RALGAPA1: variants seen among roughly 807,000 people sequenced by gnomAD.
RALGAPA1 encodes the protein ral GTPase-activating protein subunit alpha-1.
A neutral mutation model predicts 269.6 loss-of-function variants in RALGAPA1; 52 were observed. That is an observed-to-expected ratio of 0.19 (90% CI 0.15 to 0.24). The LOEUF (loss-of-function observed/expected upper bound fraction) is 0.24, where lower values mean the gene tolerates loss of function less well. Among genes scored for constraint, RALGAPA1 ranks in the 10% least tolerant of loss-of-function variants. The pLI is 1.00. For missense variants in RALGAPA1, 1,917 were observed against 3,013.9 expected (o/e 0.64, Z 8.52); for synonymous variants, 817 against 1,008.3 (o/e 0.81, Z 3.60).
intron 31 of RALGAPA1, among the ~76,000 whole-genome samples, chr14:35,644,316 C>T (rs986509191): frequency 2.0e-5 from 3 of 152,068 alleles, no homozygotes; most frequent in Admixed American, 1.3e-4. Context: ...GAATAAAAGA[C>T]GATATACATG....
chr14:35,655,104 T>C (rs1372831841), intron 29 of RALGAPA1, among the ~76,000 whole-genome samples: 1 of 152,208 alleles, frequency 6.6e-6, no homozygotes, highest in Admixed American at 6.5e-5. Flanking sequence ...TCAGCTATTA[T>C]TAATATCTTG....
chr14:35,732,854 CA>C (rs1017567538), intron 12 of RALGAPA1, among the ~76,000 whole-genome samples: 5 of 152,138 alleles, frequency 3.3e-5, no homozygotes, highest in African/African-American at 1.2e-4. Flanking sequence ...GACAGAAAGA[CA>C]ACAAAGAAAC....
At chr14:35,682,720 A>G (rs1180755207) in intron 21 of RALGAPA1, among the ~76,000 whole-genome samples, 1 of 152,180 alleles carries the variant, frequency 6.6e-6, no homozygotes, top group Non-Finnish European at 1.5e-5. Flanking sequence ...ACATTTAAAA[A>G]CAACTAAAGT....
rs528372409 is a variant in RALGAPA1 at position 35,640,090 on chromosome 14, C to T, written c.5677-4492G>A. On this transcript the variant is annotated intron_variant, in intron 31 of 41. Transcript: ENST00000680220. ...CCTATAGGATACAGTGAAAGCAGTA[C>T]TAAGAGGGAAGTTTATAGCTATAAG... Among the ~76,000 whole-genome samples the T allele has an allele frequency of 5.3e-5, 8 of 151,896 alleles. No homozygotes were observed. The South Asian group carries it at 1.5e-3, about 28-fold the overall frequency.
chr14:35,695,603 C>T (rs1481124314), intron 17 of RALGAPA1, among the ~76,000 whole-genome samples: 1 of 152,086 alleles, frequency 6.6e-6, no homozygotes, highest in Non-Finnish European at 1.5e-5. Flanking sequence ...GTTTTGGGAA[C>T]TGGTTGAAAG....
At chr14:35,771,468 G>A (rs932801499) in intron 3 of RALGAPA1, among the ~76,000 whole-genome samples, 1 of 152,026 alleles carries the variant, frequency 6.6e-6, no homozygotes, top group Non-Finnish European at 1.5e-5. Context: ...TGATAGTATT[G>A]ACATTATTTT....
In RALGAPA1 at chr14:35,760,810, A is replaced by G. The variant is rs2073634181; in HGVS notation, c.547+19T>C. The G allele has an allele frequency of 1.3e-6, 2 of 1,595,790 alleles. No individual in the cohort carries two copies. Among genetic ancestry groups the G allele is most frequent in the Non-Finnish European group, 1.7e-6 (2 of 1,166,344 alleles). On this transcript the variant is annotated intron_variant, in intron 6 of 41. Coordinates refer to ENST00000680220, the MANE Select transcript of RALGAPA1 (RefSeq NM_001346249.2). ...AGAGAGCTTAAACCTACTGACGGAT[A>G]ACATCCCATGAATCTTACTTTCTTG...
intron 16 of RALGAPA1, among the ~76,000 whole-genome samples, chr14:35,711,023 C>T (rs1036069808): frequency 2.6e-5 from 4 of 152,310 alleles, no homozygotes; most frequent in Admixed American, 2.6e-4. Flanking sequence ...TTAAATGACA[C>T]GACTGCATAA....
At chr14:35,782,941 C>A (rs774450350) in intron 1 of RALGAPA1, among the ~76,000 whole-genome samples, 2 of 151,982 alleles carry the variant, frequency 1.3e-5, no homozygotes, top group African/African-American at 2.4e-5. Flanking sequence ...CCCACCTCAG[C>A]CTCCTGAGTC....
intron 16 of RALGAPA1, among the ~76,000 whole-genome samples, chr14:35,719,497 T>A (rs1293445588): frequency 6.6e-6 from 1 of 152,174 alleles, no homozygotes; most frequent in Non-Finnish European, 1.5e-5. Context: ...AACTAGAAAG[T>A]AATCACTATG....
chr14:35,701,162 A>G (rs547707275), intron 16 of RALGAPA1, among the ~76,000 whole-genome samples: 1 of 151,892 alleles, frequency 6.6e-6, no homozygotes, highest in Admixed American at 6.6e-5. Context: ...GTTCACTTAG[A>G]AATAAATAAT....
chr14:35,787,892 C>G (rs964852757), intron 1 of RALGAPA1, among the ~76,000 whole-genome samples: 2 of 151,166 alleles, frequency 1.3e-5, no homozygotes, highest in African/African-American at 4.9e-5. Flanking sequence ...CCTAATTTAC[C>G]CATTTCTAAT....
chr14:35,729,416 A>C (rs1175829665), intron 12 of RALGAPA1, among the ~76,000 whole-genome samples: 4 of 152,190 alleles, frequency 2.6e-5, no homozygotes, highest in Non-Finnish European at 5.9e-5. Flanking sequence ...AAAAAAGTAT[A>C]TACATAGTAA....
intron 21 of RALGAPA1, among the ~76,000 whole-genome samples, chr14:35,681,729 C>A (rs1443515319): frequency 2.0e-5 from 3 of 152,024 alleles, no homozygotes; most frequent in Non-Finnish European, 2.9e-5. Flanking sequence ...GTCTTGTAAC[C>A]AACATCACAA....
intron 1 of RALGAPA1, among the ~76,000 whole-genome samples, chr14:35,805,715 C>T (rs1200749994): frequency 1.4e-5 from 2 of 147,338 alleles, no homozygotes; most frequent in Non-Finnish European, 1.5e-5. Context: ...AACGGAGTCT[C>T]GCTCTGTTGC....
rs368010424 is a variant in RALGAPA1 at position 35,664,808 on chromosome 14, G to A, written c.5203-41C>T. The A allele has an allele frequency of 1.2e-4, 187 of 1,577,622 alleles. No homozygotes were observed. The African/African-American group carries it at 2.3e-3, about 20-fold the overall frequency. On this transcript the variant is annotated intron_variant, in intron 26 of 41. Coordinates refer to ENST00000680220, the MANE Select transcript of RALGAPA1 (RefSeq NM_001346249.2). ...TTAAAAAGTTTAAAAATATATTGGT[G>A]TTATGAAATTATCAGAAAAGTTGCT...
At chr14:35,766,715 C>T in intron 4 of RALGAPA1, 1 of 565,824 alleles carries the variant, frequency 1.8e-6, no homozygotes, top group Non-Finnish European at 3.5e-6. Flanking sequence ...ATTATTTCAT[C>T]AAAGCACAGA....
intron 26 of RALGAPA1, among the ~76,000 whole-genome samples, chr14:35,670,620 A>G (rs1328891393): frequency 1.3e-5 from 2 of 152,144 alleles, no homozygotes; most frequent in South Asian, 4.1e-4. Flanking sequence ...AAATCTTCAC[A>G]TGCAATTTGA....
intron 31 of RALGAPA1, among the ~76,000 whole-genome samples, chr14:35,639,078 A>T (rs1399832083): frequency 6.6e-6 from 1 of 152,260 alleles, no homozygotes; most frequent in Non-Finnish European, 1.5e-5. Flanking sequence ...CTATAAAGAC[A>T]CACATATAGT....
Sources: allele counts gnomAD v4.1 joint callset (sites outside exome capture counted in the v4.1 genomes callset), GRCh38; gene constraint gnomAD v4.1.1; transcripts MANE v1.5; gene names NCBI Gene and HGNC (gene_info 2026-07-23, HGNC 2026-07-21).